The following LINGO2 variants were observed in gnomAD, a reference collection of about 807,000 sequenced individuals.
LINGO2 encodes the protein leucine-rich repeat and immunoglobulin-like domain-containing nogo receptor-interacting protein 2.
In LINGO2, 14 loss-of-function variants were observed where a neutral mutation model predicts 30.6. That is an observed-to-expected ratio of 0.46 (90% confidence interval 0.30 to 0.72). The LOEUF is 0.72. LINGO2 is among the 30% of genes least tolerant of loss of function. The pLI is 0.07. For missense variants in LINGO2, 729 were observed against 751.7 expected (o/e 0.97, Z 0.35); for synonymous variants, 317 against 288.5 (o/e 1.10, Z -1.00).
intron 4 of LINGO2, among the ~76,000 whole-genome samples, chr9:28,046,717 C>T (rs1195959834): frequency 6.6e-6 from 1 of 151,998 alleles, no homozygotes; most frequent in Admixed American, 6.6e-5. Context: ...ACCTCTCAAC[C>T]ATTTATTCCA....
rs187314966 is a variant in LINGO2 at position 28,257,930 on chromosome 9, G to C, written c.-87+37278C>G. On this transcript the variant is annotated intron_variant, in intron 4 of 5. Coordinates refer to ENST00000379992, the Ensembl canonical transcript of LINGO2. ...ATTGGAGAATTACTGATGTGCAATT[G>C]TCATTCCTAATAATTGTGGTGTTGT... Among the ~76,000 whole-genome samples the C allele has an allele frequency of 1.7e-3, 251 of 151,962 alleles. 5 individuals carry two copies. Among genetic ancestry groups the C allele is most frequent in the Admixed American group, 0.016 (250 of 15,220 alleles).
At chr9:28,697,282 T>A in the LINGO2 span, among the ~76,000 whole-genome samples, 1 of 151,958 alleles carries the variant, frequency 6.6e-6, no homozygotes, top group Non-Finnish European at 1.5e-5. Context: ...GCTTCCTATT[T>A]ATTCACTTTG....
intron 1 of LINGO2, among the ~76,000 whole-genome samples, chr9:28,640,484 A>C (rs1192262125): frequency 1.4e-5 from 2 of 144,912 alleles, no homozygotes; most frequent in Non-Finnish European, 3.0e-5. Context: ...TGGTCTTTTC[A>C]CACAGTCCCA....
intron 4 of LINGO2, among the ~76,000 whole-genome samples, chr9:28,256,247 T>C (rs4554572): frequency 0.41 from 61,825 of 151,806 alleles, 14,940 homozygotes; most frequent in Non-Finnish European, 0.56. Flanking sequence ...AAAAGTAAAA[T>C]GCATTTCATC....
chr9:28,422,293 A>G (rs1564189527), intron 2 of LINGO2, among the ~76,000 whole-genome samples: 1 of 152,114 alleles, frequency 6.6e-6, no homozygotes, highest in Non-Finnish European at 1.5e-5. Context: ...TCCAGAATAT[A>G]TAAATAATTC....
At chr9:28,696,861 T>G in the LINGO2 span, among the ~76,000 whole-genome samples, 1 of 151,914 alleles carries the variant, frequency 6.6e-6, no homozygotes, top group East Asian at 1.9e-4. Flanking sequence ...GAGGTTAGAT[T>G]TTGTCCTGTC....
intron 1 of LINGO2, among the ~76,000 whole-genome samples, chr9:28,573,419 C>T (rs1823801816): frequency 6.6e-6 from 1 of 152,100 alleles, no homozygotes; most frequent in Admixed American, 6.6e-5. Flanking sequence ...AAGTTGGCTA[C>T]AGAGTAGAGC....
At chr9:28,040,558 A>G (rs1302569343) in intron 4 of LINGO2, among the ~76,000 whole-genome samples, 7 of 151,494 alleles carry the variant, frequency 4.6e-5, no homozygotes, top group Admixed American at 4.6e-4. Context: ...ACCATGTCAT[A>G]ATAGAGATTT....
At chr9:28,328,844 ATGTCAGTAGG>A (rs1211022965) in intron 3 of LINGO2, among the ~76,000 whole-genome samples, 1 of 152,202 alleles carries the variant, frequency 6.6e-6, no homozygotes, top group Non-Finnish European at 1.5e-5. Context: ...AGGTTACAAG[ATGTCAGTAGG>A]TCACAGTCAA....
chr9:29,111,798 A>G, the LINGO2 span, among the ~76,000 whole-genome samples: 1 of 112,834 alleles, frequency 8.9e-6, no homozygotes, highest in Non-Finnish European at 1.9e-5. Flanking sequence ...TTCCATGGGT[A>G]TGGGCTAATT....
the LINGO2 span, among the ~76,000 whole-genome samples, chr9:29,133,731 G>A: frequency 5.9e-5 from 9 of 152,184 alleles, no homozygotes; most frequent in South Asian, 8.3e-4. Context: ...TAAAGAACAC[G>A]CTAAGAAACT....
the LINGO2 span, among the ~76,000 whole-genome samples, chr9:29,160,696 T>C: frequency 1.2e-4 from 18 of 152,336 alleles, no homozygotes; most frequent in African/African-American, 4.3e-4. Flanking sequence ...CAGATATATA[T>C]TTGATTTTTC....
chr9:29,194,539 G>A, the LINGO2 span, among the ~76,000 whole-genome samples: 57 of 152,176 alleles, frequency 3.7e-4, no homozygotes, highest in African/African-American at 1.1e-3. Context: ...AGCTTTAGCC[G>A]GACTTTGTCC....
chr9:28,593,389 A>C (rs2135715136), intron 1 of LINGO2, among the ~76,000 whole-genome samples: 1 of 152,190 alleles, frequency 6.6e-6, no homozygotes, highest in Non-Finnish European at 1.5e-5. Flanking sequence ...TGTAGTAGAT[A>C]ATTTTTGACG....
chr9:29,190,755 A>G, the LINGO2 span, among the ~76,000 whole-genome samples: 3 of 152,240 alleles, frequency 2.0e-5, no homozygotes, highest in African/African-American at 7.2e-5. Flanking sequence ...TTTCCATATT[A>G]TGAAAAAATA....
intron 2 of LINGO2, among the ~76,000 whole-genome samples, chr9:28,376,207 C>T (rs1821124876): frequency 6.6e-6 from 1 of 151,242 alleles, no homozygotes; most frequent in African/African-American, 2.4e-5. Flanking sequence ...CACATATGTT[C>T]ATTAGGGTAC....
chr9:28,282,526 T>C (rs1295999216), intron 4 of LINGO2, among the ~76,000 whole-genome samples: 1 of 152,082 alleles, frequency 6.6e-6, no homozygotes, highest in Non-Finnish European at 1.5e-5. Context: ...TAGTGAAGTA[T>C]GTTTTCATTC....
the LINGO2 span, among the ~76,000 whole-genome samples, chr9:28,838,642 T>G: frequency 1.3e-5 from 2 of 152,212 alleles, no homozygotes; most frequent in Non-Finnish European, 2.9e-5. Context: ...CTCATTCTCC[T>G]ATATATTCTC....
the LINGO2 span, among the ~76,000 whole-genome samples, chr9:28,848,961 T>C: frequency 1.3e-5 from 2 of 151,970 alleles, no homozygotes; most frequent in African/African-American, 4.8e-5. Flanking sequence ...TAGTCATCCA[T>C]TCTGAAATCT....
Sources: allele counts gnomAD v4.1 joint callset (sites outside exome capture counted in the v4.1 genomes callset), GRCh38; gene constraint gnomAD v4.1.1; transcripts MANE v1.5; gene names NCBI Gene and HGNC (gene_info 2026-07-23, HGNC 2026-07-21).